The following TLE1 variants were observed in gnomAD, a reference collection of about 807,000 sequenced individuals.
The protein encoded by TLE1 is transducin-like enhancer protein 1.
TLE1 carries 21 observed loss-of-function variants against 89.8 expected under a neutral mutation model. That is an observed-to-expected ratio of 0.23 (90% CI 0.17 to 0.34). The LOEUF (loss-of-function observed/expected upper bound fraction) is 0.34, where lower values mean the gene tolerates loss of function less well. Ranked by LOEUF, TLE1 falls within the 10% of genes least tolerant of loss-of-function variation. The probability of loss-of-function intolerance (pLI) is 1.00; values close to 1 mark genes in which losing one functional copy is unlikely to be tolerated. For missense variants in TLE1, 795 were observed against 1,031.2 expected, an observed-to-expected ratio of 0.77 and a Z score of 3.14; for synonymous variants, 447 against 407.6, an observed-to-expected ratio of 1.10 and a Z score of -1.16.
chr9:81,628,135 T>C (rs1412552212), intron 8 of TLE1, among the ~76,000 whole-genome samples: 1 of 152,192 alleles, frequency 6.6e-6, no homozygotes, highest in Non-Finnish European at 1.5e-5. Flanking sequence ...ATGTAATGAA[T>C]GATGCATTCA....
intron 4 of TLE1, among the ~76,000 whole-genome samples, chr9:81,660,704 C>T (rs951585597): frequency 6.6e-6 from 1 of 151,590 alleles, no homozygotes; most frequent in Admixed American, 6.6e-5. Flanking sequence ...GCATGAGCCA[C>T]CATGCCCAGC....
At position 81,688,134 on chromosome 9, in the gene TLE1, A is replaced by T. The variant is rs1427276526; in HGVS notation, c.24+83T>A. 8 of 1,558,152 alleles carry T rather than the reference A, an allele frequency of 5.1e-6. No individual in the cohort carries two copies. In the East Asian group the frequency reaches 1.9e-4, roughly 37 times the overall value. ...AGGGCGAGAAGGTCCGCCGGGCCTC[A>T]GAAGCCACCAGTCTCCCTACCGCCC... On this transcript the variant is annotated intron_variant, in intron 1 of 19. Coordinates refer to ENST00000376499, the MANE Select transcript of TLE1 (RefSeq NM_005077.5).
chr9:81,614,115 A>G lies in TLE1; in HGVS notation c.919-594T>C, dbSNP rs377245680. ...AGTGGAGACGGGGTTTCACCATGTT[A>G]GCCAGGATGGTCTCGATCTCCTGAC... On this transcript the variant is annotated intron_variant, in intron 11 of 19. Transcript: ENST00000376499. 2.6e-5 allele frequency among the ~76,000 whole-genome samples: 4 copies of G among 151,866 alleles called. No homozygotes were observed. In the South Asian group the frequency reaches 8.3e-4, roughly 32 times the overall value.
chr9:81,621,086 T>C (rs1825186661), intron 8 of TLE1, among the ~76,000 whole-genome samples: 1 of 152,210 alleles, frequency 6.6e-6, no homozygotes, highest in Admixed American at 6.5e-5. Context: ...TTTTAATTTA[T>C]TGTTGAAAAT....
intron 14 of TLE1, among the ~76,000 whole-genome samples, chr9:81,609,151 C>T (rs1252895225): frequency 6.6e-6 from 1 of 151,656 alleles, no homozygotes; most frequent in Non-Finnish European, 1.5e-5. Context: ...GTGGCATGAT[C>T]TTCACTCACT....
chr9:81,610,856 G>A (rs986192084), intron 13 of TLE1, among the ~76,000 whole-genome samples: 4 of 148,794 alleles, frequency 2.7e-5, no homozygotes, highest in Non-Finnish European at 4.4e-5. Context: ...TAATGCTTAA[G>A]GATTCATACA....
chr9:81,619,811 G>C (rs1825004339), intron 9 of TLE1, among the ~76,000 whole-genome samples: 1 of 152,132 alleles, frequency 6.6e-6, no homozygotes, highest in Non-Finnish European at 1.5e-5. Flanking sequence ...TGTGACAAGA[G>C]CCCTCACTCC....
rs1587866544 is a variant in TLE1, at chr9:81,591,121, G to T, written c.1582-69C>A. ...AATCATAGCACCATGTTCTCTAATG[G>T]CTGTCTTGGTTTTTTGAGTTAAGAG... is the stretch of plus-strand genomic sequence containing the variant. On this transcript the variant is annotated intron_variant, in intron 15 of 19. Coordinates refer to ENST00000376499, the MANE Select transcript of TLE1 (RefSeq NM_005077.5). 3.2e-6 allele frequency: 5 copies of T among 1,557,160 alleles called. No homozygotes were observed. In the East Asian group the frequency reaches 1.1e-4, roughly 35 times the overall value.
chr9:81,632,475 C>CTTTTTTTTTTT (rs11376391), intron 8 of TLE1, among the ~76,000 whole-genome samples: 1 of 79,882 alleles, frequency 1.3e-5, no homozygotes, highest in Non-Finnish European at 3.2e-5. Context: ...TTCAGTATCC[C>CTTTTTTTTTTT]TTTTTTTTTT....
At chr9:81,646,757 T>C (rs1217304693) in intron 6 of TLE1, among the ~76,000 whole-genome samples, 1 of 152,118 alleles carries the variant, frequency 6.6e-6, no homozygotes, top group East Asian at 1.9e-4. Context: ...TACAAATGTT[T>C]TAGGAGTTTG....
rs1834746983 is a variant in TLE1 at position 81,689,371 on chromosome 9, G to GACGGA, written c.-1136_-1132dup. ...GCGGGGGTTTTGGTCGCCGCGGGACGACGGAGGTCCGGGCTGGTGGCGCGG... is the reference window on the plus strand; with the variant it reads ...GCGGGGGTTTTGGTCGCCGCGGGACGACGGAACGGAGGTCCGGGCTGGTGGCGCGG... On this transcript the variant is annotated 5_prime_UTR_variant, in exon 1 of 20. Coordinates refer to ENST00000376499, the MANE Select transcript of TLE1 (RefSeq NM_005077.5). 6.6e-6 allele frequency: 1 copy of GACGGA among 152,508 alleles called. No individual in the cohort carries two copies. The highest frequency in any genetic ancestry group is 6.5e-5 in the Admixed American group (1 of 15,286). 9.4% of individuals were successfully genotyped at this position (152,508 alleles called of 1,614,324 possible). A position where few individuals can be genotyped will look rare whatever the true frequency, so the allele number is the denominator to read the frequency against.
At chr9:81,681,337 G>C (rs1212849557) in intron 4 of TLE1, among the ~76,000 whole-genome samples, 1 of 152,064 alleles carries the variant, frequency 6.6e-6, no homozygotes, top group African/African-American at 2.4e-5. Context: ...AATCACTTGA[G>C]GTCAGGAGTT....
chr9:81,587,924 G>GTGTGTCATCCCGCC lies in TLE1; in HGVS notation c.1830-97_1830-96insGGCGGGATGACACA, dbSNP rs1554716661. ...TTTTGGACCGTGTGTGTGTGTGTGT[G>GTGTGTCATCCCGCC]TGTGTGTGTGTGTGTGTGTGTGATC... On this transcript the variant is annotated intron_variant, in intron 16 of 19. Transcript: ENST00000376499. 742 of 1,016,768 alleles carry GTGTGTCATCCCGCC rather than the reference G, an allele frequency of 7.3e-4. 13 individuals are homozygous for GTGTGTCATCCCGCC. Among genetic ancestry groups the GTGTGTCATCCCGCC allele is most frequent in the Non-Finnish European group, 7.9e-4 (580 of 731,992 alleles). 63.0% of individuals were successfully genotyped at this position (1,016,768 alleles called of 1,614,324 possible).
chr9:81,627,734 T>C (rs187800242), intron 8 of TLE1, among the ~76,000 whole-genome samples: 90 of 152,156 alleles, frequency 5.9e-4, no homozygotes, highest in Non-Finnish European at 9.3e-4. Flanking sequence ...TCATAAATAT[T>C]TAGGCAAAAA....
At chr9:81,613,906 C>CTTTTTTTTTT (rs761514885) in intron 11 of TLE1, among the ~76,000 whole-genome samples, 4 of 89,924 alleles carry the variant, frequency 4.4e-5, no homozygotes, top group Admixed American at 1.3e-4. Flanking sequence ...CTTTTCTTTT[C>CTTTTTTTTTT]TTTTTTTTTT....
intron 8 of TLE1, among the ~76,000 whole-genome samples, chr9:81,621,329 CTCT>C (rs1195908346): frequency 2.0e-5 from 3 of 152,206 alleles, no homozygotes; most frequent in Admixed American, 1.3e-4. Context: ...GATCTGACAT[CTCT>C]TCAATTCCCA....
At position 81,590,915 on chromosome 9, in the gene TLE1, C is replaced by T. The variant is rs938335615; in HGVS notation, c.1719G>A (p.Ser573=). 13 of 1,614,132 alleles carry T rather than the reference C, an allele frequency of 8.1e-6. No individual in the cohort carries two copies. Among genetic ancestry groups the T allele is most frequent in the African/African-American group, 2.7e-5 (2 of 74,938 alleles). Residue 573 remains serine, a synonymous_variant, in exon 16 of 20, where the codon TCG becomes TCA. Coordinates refer to ENST00000376499, the MANE Select transcript of TLE1 (RefSeq NM_005077.5). The part of the protein sequence containing the change: ...TPRIKAELTS[S]APACYALAIS... ...TGGCCAGGGCGTAGCAGGCGGGGGC[C>T]GAGGACGTCAGCTCCGCCTTGATGC...
chr9:81,665,610 G>A (rs1438032875), intron 4 of TLE1, among the ~76,000 whole-genome samples: 2 of 152,124 alleles, frequency 1.3e-5, no homozygotes, highest in African/African-American at 4.8e-5. Flanking sequence ...AGATTGCAGG[G>A]GCCTGCATCT....
intron 8 of TLE1, among the ~76,000 whole-genome samples, chr9:81,631,824 C>T (rs562913698): frequency 7.9e-5 from 12 of 152,302 alleles, no homozygotes; most frequent in African/African-American, 1.9e-4. Flanking sequence ...ACTATCTCAC[C>T]GGGCATGGTG....
Sources: allele counts gnomAD v4.1 joint callset (sites outside exome capture counted in the v4.1 genomes callset), GRCh38; gene constraint gnomAD v4.1.1; transcripts MANE v1.5; gene names NCBI Gene and HGNC (gene_info 2026-07-23, HGNC 2026-07-21).